The following NOSTRIN variants were observed in gnomAD, a reference collection of about 807,000 sequenced individuals.
NOSTRIN encodes BM247 homolog.
Under a neutral mutation model 59.0 loss-of-function variants are expected in NOSTRIN, and 63 were observed. The observed-to-expected ratio is 1.07, with a 90% CI of 0.87 to 1.32. The LOEUF (loss-of-function observed/expected upper bound fraction) is 1.32. NOSTRIN is among the 40% of genes most tolerant of loss of function. The pLI is 0.00. For missense variants in NOSTRIN, 512 were observed against 473.1 expected, an observed-to-expected ratio of 1.08 and a Z score of -0.76; for synonymous variants, 200 against 165.4, an observed-to-expected ratio of 1.21 and a Z score of -1.61.
At chr2:168,856,347 C>G (rs750281419) in intron 11 of NOSTRIN, 1 of 279,282 alleles carries the variant, frequency 3.6e-6, no homozygotes, top group African/African-American at 2.2e-5. Flanking sequence ...GAAGCCAAGG[C>G]GGGTGGATCA....
At chr2:168,790,744 CA>C (rs1685325871) in intron 2 of NOSTRIN, among the ~76,000 whole-genome samples, 1 of 152,098 alleles carries the variant, frequency 6.6e-6, no homozygotes, top group African/African-American at 2.4e-5. Flanking sequence ...TTAGGCAGGA[CA>C]ATTGGTGGAA....
At chr2:168,795,494 G>A (rs1685455966), upstream of NOSTRIN, among the ~76,000 whole-genome samples, 1 of 152,108 alleles carries the variant, frequency 6.6e-6, no homozygotes, top group South Asian at 2.1e-4. Context: ...CATTTCCTAG[G>A]GCTTATTGTG....
chr2:168,836,637 C>T (rs1687737255), intron 7 of NOSTRIN, among the ~76,000 whole-genome samples: 1 of 150,360 alleles, frequency 6.7e-6, no homozygotes, highest in African/African-American at 2.5e-5. Flanking sequence ...CCTCCGTTCT[C>T]CTCACACCTC....
intron 8 of NOSTRIN, 121 bp from the exon 9 acceptor site, chr2:168,850,963 T>G (rs1364724555): frequency 1.2e-6 from 1 of 828,074 alleles, no homozygotes; most frequent in African/African-American, 1.7e-5. Flanking sequence ...GGATATGACA[T>G]AGTCAAGAGG....
chr2:168,845,987 C>T (rs1688396674), intron 8 of NOSTRIN, among the ~76,000 whole-genome samples: 1 of 152,072 alleles, frequency 6.6e-6, no homozygotes, highest in Non-Finnish European at 1.5e-5. Flanking sequence ...TCTGAGTTCT[C>T]TCCTGCCTCC....
At chr2:168,790,089 T>C (rs1466242060) in intron 2 of NOSTRIN, among the ~76,000 whole-genome samples, 2 of 152,224 alleles carry the variant, frequency 1.3e-5, no homozygotes. Flanking sequence ...TGTTCTACTT[T>C]AAGTGCTTTC....
chr2:168,843,096 C>T lies in NOSTRIN; in HGVS notation c.609C>T (p.Asn203=). Residue 203 remains asparagine, a synonymous_variant, in exon 8 of 16, where the codon AAC becomes AAT. Coordinates refer to ENST00000317647, the MANE Select transcript of NOSTRIN (RefSeq NM_001039724.4). ...ATTCTACCAGACTGAAATGGGAAAA[C>T]ACACTAGAGAACTGCTACCAGGTAA... is the stretch of plus-strand genomic sequence containing the variant. The part of the protein sequence containing the change: ...AGYSTRLKWE[N]TLENCYQSIL... 1 of 872,272 alleles carries T rather than the reference C, an allele frequency of 1.1e-6. No homozygotes were observed. Among genetic ancestry groups the T allele is most frequent in the Non-Finnish European group, 2.0e-6 (1 of 501,436 alleles). 54.0% of individuals were successfully genotyped at this position (872,272 alleles called of 1,614,324 possible).
In NOSTRIN at chr2:168,851,412, T is replaced by G. The variant is rs1389473911; in HGVS notation, c.855+8T>G. On this transcript the variant is annotated splice_region_variant and intron_variant, in intron 10 of 15. Transcript: ENST00000317647. ...CTGTTAACGGATTACTTTGTGAGTATGAAATGGAAAAAAAAAGTTACATTA... is the reference window on the plus strand; with the variant it reads ...CTGTTAACGGATTACTTTGTGAGTAGGAAATGGAAAAAAAAAGTTACATTA... The G allele has an allele frequency of 1.3e-6, 2 of 1,592,390 alleles. No homozygotes were observed. The highest frequency in any genetic ancestry group is 2.3e-5 in the South Asian group (2 of 86,522).
In NOSTRIN at chr2:168,859,286, CCA is replaced by C; in HGVS notation, c.1054-225_1054-224del. 6.4e-6 allele frequency: 3 copies of C among 465,232 alleles called. No homozygotes were observed. In the South Asian group the frequency reaches 1.3e-4, roughly 20 times the overall value. The allele number at this position is 465,232 out of a possible 1,614,324, so 28.8% of individuals were successfully genotyped here. On this transcript the variant is annotated intron_variant, in intron 12 of 15. Coordinates refer to ENST00000317647, the MANE Select transcript of NOSTRIN (RefSeq NM_001039724.4). Reference sequence around the variant, plus strand: ...TATTACCAAGGTTTCCTGTTCACCCCCAGAGTACAGAATGAGACACACTCAAC... The same window carrying C: ...TATTACCAAGGTTTCCTGTTCACCCCGAGTACAGAATGAGACACACTCAAC...
At chr2:168,861,101 T>C (rs1689417767) in intron 14 of NOSTRIN, among the ~76,000 whole-genome samples, 192 bp downstream of exon 14, 1 of 152,152 alleles carries the variant, frequency 6.6e-6, no homozygotes, top group African/African-American at 2.4e-5. Context: ...GAGTAGAGGG[T>C]TGGGAAAGTA....
chr2:168,820,101 C>T (rs986587785), intron 2 of NOSTRIN, among the ~76,000 whole-genome samples: 2 of 152,316 alleles, frequency 1.3e-5, no homozygotes, highest in Admixed American at 6.5e-5. Flanking sequence ...TTTTGTTCCA[C>T]TTCTCCCACA....
chr2:168,847,145 G>A (rs1356075775), intron 8 of NOSTRIN, among the ~76,000 whole-genome samples: 2 of 152,266 alleles, frequency 1.3e-5, no homozygotes, highest in East Asian at 3.9e-4. Context: ...TAATGGCACG[G>A]GAAACTGTTC....
At chr2:168,836,927 C>G (rs1053326513) in intron 7 of NOSTRIN, among the ~76,000 whole-genome samples, 1 of 152,152 alleles carries the variant, frequency 6.6e-6, no homozygotes, top group Non-Finnish European at 1.5e-5. Context: ...CTGCTATAAC[C>G]AAGTTCCATA....
intron 6 of NOSTRIN, among the ~76,000 whole-genome samples, chr2:168,831,927 T>C (rs977496082): frequency 1.3e-5 from 2 of 152,220 alleles, no homozygotes; most frequent in African/African-American, 4.8e-5. Context: ...GGTTCCAGGG[T>C]CACTGCTCTT....
chr2:168,849,593 T>A (rs1688629120), intron 8 of NOSTRIN, among the ~76,000 whole-genome samples: 1 of 148,588 alleles, frequency 6.7e-6, no homozygotes. Flanking sequence ...TGACCTCAGG[T>A]AGTTCACCCG....
At chr2:168,805,129 AG>A (rs1262768363) in intron 1 of NOSTRIN, among the ~76,000 whole-genome samples, 2 of 152,214 alleles carry the variant, frequency 1.3e-5, no homozygotes, top group African/African-American at 4.8e-5. Context: ...GACTACAAAA[AG>A]GGCTCATGGT....
chr2:168,788,672 G>A (rs183678804), intron 2 of NOSTRIN, among the ~76,000 whole-genome samples: 8 of 152,242 alleles, frequency 5.3e-5, no homozygotes, highest in Admixed American at 2.6e-4. Flanking sequence ...GATCAAAGGC[G>A]TAAATATATT....
At chr2:168,789,439 A>G (rs2105494771) in intron 2 of NOSTRIN, among the ~76,000 whole-genome samples, 1 of 152,348 alleles carries the variant, frequency 6.6e-6, no homozygotes, top group African/African-American at 2.4e-5. Flanking sequence ...TTATAAAACC[A>G]TCAGATCTCA....
chr2:168,809,387 G>A (rs1686023013), intron 1 of NOSTRIN, among the ~76,000 whole-genome samples: 3 of 152,236 alleles, frequency 2.0e-5, no homozygotes, highest in East Asian at 3.9e-4. Flanking sequence ...TCAGTCACAT[G>A]GTTATAGATC....
Sources: allele counts gnomAD v4.1 joint callset (sites outside exome capture counted in the v4.1 genomes callset), GRCh38; gene constraint gnomAD v4.1.1; transcripts MANE v1.5; gene names NCBI Gene and HGNC (gene_info 2026-07-23, HGNC 2026-07-21).